The following ELAVL2 variants were observed in gnomAD, a reference collection of about 807,000 sequenced individuals.
ELAVL2 encodes ELAV-like protein 2.
Under a neutral mutation model 34.6 loss-of-function variants are expected in ELAVL2, and 4 were observed. The observed-to-expected ratio is 0.12, with a 90% CI of 0.06 to 0.26. The LOEUF (loss-of-function observed/expected upper bound fraction) is 0.26, where lower values mean the gene tolerates loss of function less well. Ranked by LOEUF, ELAVL2 falls within the 10% of genes least tolerant of loss-of-function variation. The probability of loss-of-function intolerance (pLI) is 1.00; values close to 1 mark genes in which losing one functional copy is unlikely to be tolerated. For missense variants in ELAVL2, 432 were observed against 442.8 expected (o/e 0.98, Z 0.22); for synonymous variants, 193 against 154.8 (o/e 1.25, Z -1.83).
chr9:23,731,306 C>G (rs1202352113), intron 2 of ELAVL2, among the ~76,000 whole-genome samples, 181 bp from the exon 3 acceptor site: 3 of 151,724 alleles, frequency 2.0e-5, no homozygotes, highest in Admixed American at 2.0e-4. Context: ...ACTACATTTT[C>G]AAGTTTTAGA....
intron 1 of ELAVL2, among the ~76,000 whole-genome samples, chr9:23,801,678 G>A (rs1343854639): frequency 6.6e-6 from 1 of 152,202 alleles, no homozygotes; most frequent in Admixed American, 6.5e-5. Flanking sequence ...ACAACAGAAT[G>A]TTCACGCATT....
the ELAVL2 span, among the ~76,000 whole-genome samples, chr9:23,845,395 C>T: frequency 1.3e-4 from 20 of 151,504 alleles, no homozygotes; most frequent in Non-Finnish European, 2.4e-4. Flanking sequence ...ATTATATAAA[C>T]ATTTTATTAG....
At position 23,777,405 on chromosome 9, in the gene ELAVL2, G is replaced by C. The variant is rs551279711; in HGVS notation, c.-15-15156C>G. ...TTTTAAAGAGTTCCTTGACGATTCT[G>C]AGTGCCAGTCTCTAGTTGAGAATCA... On this transcript the variant is annotated intron_variant, in intron 1 of 6. Transcript: ENST00000397312. Among the ~76,000 whole-genome samples the C allele has an allele frequency of 2.0e-4, 31 of 152,140 alleles. No individual in the cohort carries two copies. The South Asian group carries it at 5.8e-3, about 29-fold the overall frequency.
chr9:23,730,073 G>A lies in ELAVL2; in HGVS notation c.333+949C>T, dbSNP rs1051414236. 3.3e-5 allele frequency among the ~76,000 whole-genome samples: 5 copies of A among 152,162 alleles called. No homozygotes were observed. The South Asian group carries it at 8.3e-4, about 25-fold the overall frequency. ...ACACTATTTTGAAAAAAATATTTGGGAGCCACATCTAGACTCTGTGAGAAA... is the reference window on the plus strand; with the variant it reads ...ACACTATTTTGAAAAAAATATTTGGAAGCCACATCTAGACTCTGTGAGAAA... On this transcript the variant is annotated intron_variant, in intron 3 of 6. Transcript: ENST00000397312.
intron 2 of ELAVL2, among the ~76,000 whole-genome samples, chr9:23,734,181 A>T (rs1334992410): frequency 1.3e-5 from 2 of 152,248 alleles, no homozygotes; most frequent in Non-Finnish European, 2.9e-5. Context: ...AAAGGGAGTT[A>T]GAACTTTAAA....
chr9:23,783,440 C>G, intron 1 of ELAVL2: 1 of 985,306 alleles, frequency 1.0e-6, no homozygotes, highest in Non-Finnish European at 1.2e-6. Context: ...TGGTACAATT[C>G]TGCACAACTA....
chr9:23,794,326 G>T (rs1276494882), intron 1 of ELAVL2, among the ~76,000 whole-genome samples: 10 of 152,086 alleles, frequency 6.6e-5, no homozygotes, highest in Non-Finnish European at 1.5e-5. Context: ...TGCCCAAAAG[G>T]GCTGGGCCAT....
At chr9:23,824,372 A>ACTGCCACCTTG (rs2065150187) in intron 1 of ELAVL2, among the ~76,000 whole-genome samples, 2 of 152,304 alleles carry the variant, frequency 1.3e-5, no homozygotes, top group Middle Eastern at 3.4e-3. Flanking sequence ...AGTGGTGGGC[A>ACTGCCACCTTG]CTGCCACCTT....
chr9:23,817,847 A>G (rs1278269701), intron 1 of ELAVL2, among the ~76,000 whole-genome samples: 1 of 152,196 alleles, frequency 6.6e-6, no homozygotes, highest in East Asian at 1.9e-4. Flanking sequence ...TTCAGACTCC[A>G]AAAGTTATCA....
At chr9:23,768,699 A>G (rs1448175428) in intron 1 of ELAVL2, among the ~76,000 whole-genome samples, 1 of 152,130 alleles carries the variant, frequency 6.6e-6, no homozygotes, top group Non-Finnish European at 1.5e-5. Flanking sequence ...ACAATCTATC[A>G]CACTAACTAC....
chr9:23,777,565 T>C (rs1018684432), intron 1 of ELAVL2, among the ~76,000 whole-genome samples: 2 of 152,160 alleles, frequency 1.3e-5, no homozygotes, highest in African/African-American at 4.8e-5. Context: ...CTGCAGGCCT[T>C]GGAATTGAGT....
chr9:23,845,112 AT>A, the ELAVL2 span, among the ~76,000 whole-genome samples: 136 of 152,022 alleles, frequency 8.9e-4, 1 homozygote, highest in African/African-American at 3.3e-3. Flanking sequence ...TTAGTTAGTA[AT>A]AGTTAATATT....
At chr9:23,816,686 G>T (rs2063765714) in intron 1 of ELAVL2, among the ~76,000 whole-genome samples, 1 of 152,062 alleles carries the variant, frequency 6.6e-6, no homozygotes, top group Non-Finnish European at 1.5e-5. Flanking sequence ...CCTTTCCCGG[G>T]CTAGCAGTCT....
At chr9:23,741,319 G>A (rs1006488117) in intron 2 of ELAVL2, among the ~76,000 whole-genome samples, 2 of 152,110 alleles carry the variant, frequency 1.3e-5, no homozygotes, top group Admixed American at 6.6e-5. Flanking sequence ...CCATGTGAAG[G>A]TTTACAGCAG....
the ELAVL2 span, among the ~76,000 whole-genome samples, chr9:23,839,250 T>G: frequency 6.6e-6 from 1 of 152,062 alleles, no homozygotes; most frequent in Non-Finnish European, 1.5e-5. Context: ...CACAGACATA[T>G]ATTAATTTTC....
Position 23,697,062 on chromosome 9 carries a change from C to T in ELAVL2, c.714-3576G>A, listed in dbSNP as rs529289469. On this transcript the variant is annotated intron_variant, in intron 5 of 6. Transcript: ENST00000397312. Reference sequence around the variant, plus strand: ...CTGAGCAATCATCGAAGGGGAGAGGCGGCGAGTGGCACTCTCTCCTGCTCT... The same window carrying T: ...CTGAGCAATCATCGAAGGGGAGAGGTGGCGAGTGGCACTCTCTCCTGCTCT... Among the ~76,000 whole-genome samples, 19 of 152,128 alleles carry T rather than the reference C, an allele frequency of 1.2e-4. No homozygotes were observed. In the East Asian group the frequency reaches 3.1e-3, roughly 25 times the overall value.
intron 1 of ELAVL2, among the ~76,000 whole-genome samples, chr9:23,812,774 G>A (rs1041523768): frequency 7.2e-5 from 11 of 151,744 alleles, no homozygotes; most frequent in Admixed American, 3.3e-4. Flanking sequence ...AAATTGGCTG[G>A]GTTGTAGAGT....
chr9:23,762,280 A>G, intron 1 of ELAVL2, 31 bp from the exon 2 acceptor site: 1 of 1,609,344 alleles, frequency 6.2e-7, no homozygotes, highest in Non-Finnish European at 8.5e-7. Context: ...AAATGTCAGA[A>G]TTCATATTTC....
intron 1 of ELAVL2, chr9:23,765,080 T>C: frequency 6.2e-7 from 1 of 1,605,712 alleles, no homozygotes; most frequent in Non-Finnish European, 8.5e-7. Flanking sequence ...CTGACTGCCA[T>C]GTTAGTTTGG....
Sources: gnomAD v4.1 joint callset for allele counts (sites outside exome capture counted in the v4.1 genomes callset) on GRCh38, gnomAD v4.1.1 for gene constraint, MANE v1.5 for transcripts, NCBI Gene and HGNC (gene_info 2026-07-23, HGNC 2026-07-21) for gene names.